The following CNTNAP3 variants were observed in gnomAD, a reference collection of about 807,000 sequenced individuals.
CNTNAP3 encodes contactin-associated protein-like 3.
A neutral mutation model predicts 92.1 loss-of-function variants in CNTNAP3; 36 were observed. The observed-to-expected ratio is 0.39, with a 90% CI of 0.30 to 0.52. The LOEUF is 0.52. Ranked by LOEUF, CNTNAP3 falls within the 20% of genes least tolerant of loss-of-function variation. CNTNAP3 has a pLI of 0.76. For synonymous variants in CNTNAP3, 232 were observed against 422.3 expected (o/e 0.55, Z 5.53); for missense variants, 534 against 1,069.6 (o/e 0.50, Z 6.98).
At chr9:39,142,150 A>G (rs1821591676) in intron 11 of CNTNAP3, among the ~76,000 whole-genome samples, 1 of 152,216 alleles carries the variant, frequency 6.6e-6, no homozygotes, top group Non-Finnish European at 1.5e-5. Flanking sequence ...ATGGACTAAT[A>G]TAACTCATTG....
chr9:39,105,324 G>A (rs1826577426), intron 15 of CNTNAP3, among the ~76,000 whole-genome samples: 1 of 152,166 alleles, frequency 6.6e-6, no homozygotes, highest in African/African-American at 2.4e-5. Context: ...CTACTCGGGA[G>A]GCTGAGGCAG....
In CNTNAP3 at chr9:39,103,808, T is replaced by C. The variant is rs1408711845; in HGVS notation, c.2472A>G (p.Thr824=). The stretch of plus-strand genomic sequence containing the variant: ...TCTCCATAAACACCCCGGAGGAAAC[T>C]GTGGTCTTAAAAAAGAAGCACACGT... ...TADVCFFFKT[T]VSSGVFMENL... is the part of the protein sequence containing the mutation. Residue 824 remains threonine, a synonymous_variant, in exon 16 of 24, where the codon ACA becomes ACG. Coordinates refer to ENST00000297668, the MANE Select transcript of CNTNAP3 (RefSeq NM_033655.5). The C allele has an allele frequency of 5.0e-6, 8 of 1,611,066 alleles. No homozygotes were observed. The highest frequency in any genetic ancestry group is 2.5e-6 in the Non-Finnish European group (3 of 1,179,694).
chr9:39,214,135 T>A (rs1196062673), intron 3 of CNTNAP3, among the ~76,000 whole-genome samples: 1 of 66,204 alleles, frequency 1.5e-5, no homozygotes, highest in African/African-American at 3.1e-5. Context: ...AGTTTAAATA[T>A]AAAAAAAATT....
rs1821330264 is a variant in CNTNAP3 at position 39,132,926 on chromosome 9, G to A, written c.2080+6C>T. On this transcript the variant is annotated splice_donor_region_variant and intron_variant, in intron 13 of 23. Coordinates refer to ENST00000297668, the MANE Select transcript of CNTNAP3 (RefSeq NM_033655.5). ...AACCCCTGTAGCCTCCAGGAGTGGCGCTTACCTCGTGAGTCCGGGCGCCGC... is the reference window on the plus strand; with the variant it reads ...AACCCCTGTAGCCTCCAGGAGTGGCACTTACCTCGTGAGTCCGGGCGCCGC... 5.8e-6 allele frequency: 9 copies of A among 1,542,356 alleles called. No individual in the cohort carries two copies. The highest frequency in any genetic ancestry group is 7.8e-6 in the Non-Finnish European group (9 of 1,153,794).
rs1333569690 is a variant in CNTNAP3, at chr9:39,067,451, G to A, written c.*6439C>T. ...CTGGCTCTGTTGCCCAGGCTGGAGT[G>A]CAATGGCGCAATCTCGGCCCACTGC... is the stretch of plus-strand genomic sequence containing the variant. On this transcript the variant is annotated 3_prime_UTR_variant, in exon 24 of 24. Transcript: ENST00000297668. Among the ~76,000 whole-genome samples, 3 of 152,304 alleles carry A rather than the reference G, an allele frequency of 2.0e-5. No homozygotes were observed. Among genetic ancestry groups the A allele is most frequent in the East Asian group, 1.9e-4 (1 of 5,208 alleles).
chr9:39,123,186 C>T (rs1164240341), intron 13 of CNTNAP3, among the ~76,000 whole-genome samples: 9 of 151,352 alleles, frequency 5.9e-5, no homozygotes, highest in Admixed American at 5.9e-4. Flanking sequence ...GCTCCGCCTC[C>T]TGGGTTCATG....
In CNTNAP3 at chr9:39,066,782, C is replaced by G. The variant is rs1170448524; in HGVS notation, c.*7108G>C. On this transcript the variant is annotated 3_prime_UTR_variant, in exon 24 of 24. Transcript: ENST00000297668. ...TTCTCTGTGTAAGACTTGTCTTTTT[C>G]TCTTTACCACACTGAGTTTTGATCC... Among the ~76,000 whole-genome samples the G allele has an allele frequency of 2.1e-3, 320 of 152,364 alleles. No individual in the cohort carries two copies. Among genetic ancestry groups the G allele is most frequent in the Admixed American group, 0.011 (170 of 15,296 alleles).
chr9:39,115,611 GT>G (rs1490775110), intron 14 of CNTNAP3, among the ~76,000 whole-genome samples: 2 of 151,438 alleles, frequency 1.3e-5, no homozygotes, highest in Non-Finnish European at 2.9e-5. Flanking sequence ...ATAAAATAAG[GT>G]TAAAAAGCAA....
At chr9:39,105,384 G>GCA (rs1826580208) in intron 15 of CNTNAP3, among the ~76,000 whole-genome samples, 1 of 152,152 alleles carries the variant, frequency 6.6e-6, no homozygotes, top group Non-Finnish European at 1.5e-5. Flanking sequence ...GTGAGATCAT[G>GCA]CCACTGCACT....
In CNTNAP3 at chr9:39,072,867, G is replaced by A. The variant is rs1825658931; in HGVS notation, c.*1023C>T. 6.5e-6 allele frequency: 1 copy of A among 153,020 alleles called. No individual in the cohort carries two copies. The highest frequency in any genetic ancestry group is 2.4e-5 in the African/African-American group (1 of 41,492). The allele number at this position is 153,020 out of a possible 1,614,324, so 9.5% of individuals were successfully genotyped here. A position where few individuals can be genotyped will look rare whatever the true frequency, so the allele number is the denominator to read the frequency against. ...ATATCAGTAACAACTTTTAGAAAAA[G>A]AAATGAATGATAAAGAAAAACAGAT... On this transcript the variant is annotated 3_prime_UTR_variant, in exon 24 of 24. Coordinates refer to ENST00000297668, the MANE Select transcript of CNTNAP3 (RefSeq NM_033655.5).
At chr9:39,144,187 A>G (rs1175407987) in intron 11 of CNTNAP3, 53 bp downstream of exon 11, 2 of 1,497,372 alleles carry the variant, frequency 1.3e-6, no homozygotes, top group African/African-American at 2.8e-5. Context: ...AACTAATCAA[A>G]ATGAAATGAC....
chr9:39,159,629 GAGATAGATAGATAGAT>G (rs376195909), intron 9 of CNTNAP3: 2 of 136,278 alleles, frequency 1.5e-5, no homozygotes, highest in East Asian at 2.2e-4. Context: ...ACCACGCCTG[GAGATAGATAGATAGAT>G]AGATAGATAG....
intron 18 of CNTNAP3, among the ~76,000 whole-genome samples, chr9:39,091,140 T>G (rs1398775780): frequency 6.6e-6 from 1 of 152,032 alleles, no homozygotes; most frequent in Non-Finnish European, 1.5e-5. Context: ...GATAGTTTTA[T>G]TTCCTTTCTA....
chr9:39,280,086 G>A (rs1443840603), intron 1 of CNTNAP3, among the ~76,000 whole-genome samples: 1 of 31,406 alleles, frequency 3.2e-5, no homozygotes, highest in African/African-American at 6.2e-5. Context: ...CCCAAGGGCA[G>A]TGCTGAATCC....
intron 18 of CNTNAP3, among the ~76,000 whole-genome samples, chr9:39,096,426 A>G (rs892948112): frequency 1.1e-4 from 16 of 152,136 alleles, no homozygotes; most frequent in South Asian, 2.1e-4. Flanking sequence ...GTTTTTATGA[A>G]TACCTAATAG....
chr9:39,119,517 A>G (rs529022029), intron 13 of CNTNAP3, among the ~76,000 whole-genome samples: 2 of 152,294 alleles, frequency 1.3e-5, no homozygotes, highest in East Asian at 1.9e-4. Context: ...CGACTTCACC[A>G]TTAAACTGTC....
intron 12 of CNTNAP3, among the ~76,000 whole-genome samples, chr9:39,138,898 TA>T: frequency 6.6e-6 from 1 of 152,154 alleles, no homozygotes; most frequent in East Asian, 1.9e-4. Context: ...CTGCTGGATC[TA>T]AAAAAATTGG....
rs58203008 is a variant in CNTNAP3 at position 39,217,358 on chromosome 9, GTATATATATATATA to G, written c.390+21621_390+21634del. ...CTAGAAATATTTCATATTTACATGA[GTATATATATATATA>G]TATATATATATATATATATATATAT... On this transcript the variant is annotated intron_variant, in intron 3 of 23. Coordinates refer to ENST00000297668, the MANE Select transcript of CNTNAP3 (RefSeq NM_033655.5). Among the ~76,000 whole-genome samples the G allele has an allele frequency of 6.4e-3, 27 of 4,242 alleles. 4 individuals carry two copies. The highest frequency in any genetic ancestry group is 0.023 in the South Asian group (1 of 44). The allele number at this position is 4,242 out of a possible 152,430, so 2.8% of individuals were successfully genotyped here. A position where few individuals can be genotyped will look rare whatever the true frequency, so the allele number is the denominator to read the frequency against.
At chr9:39,075,043 C>A (rs1295455431) in intron 23 of CNTNAP3, among the ~76,000 whole-genome samples, 2 of 152,392 alleles carry the variant, frequency 1.3e-5, no homozygotes, top group South Asian at 4.1e-4. Context: ...GCTGGGATTA[C>A]AGGCGTGAGC....
Sources: allele counts gnomAD v4.1 joint callset (sites outside exome capture counted in the v4.1 genomes callset), GRCh38; gene constraint gnomAD v4.1.1; transcripts MANE v1.5; gene names NCBI Gene and HGNC (gene_info 2026-07-23, HGNC 2026-07-21).